The following PCED1B variants were observed in gnomAD, a reference collection of about 807,000 sequenced individuals.
The protein encoded by PCED1B is PC-esterase domain-containing protein 1B.
For missense variants in PCED1B, 573 were observed against 573.9 expected, an observed-to-expected ratio of 1.00 and a Z score of 0.02; for synonymous variants, 251 against 246.1, an observed-to-expected ratio of 1.02 and a Z score of -0.19.
In PCED1B at chr12:47,236,315, C is replaced by CCTTCA. The variant is rs746084235; in HGVS notation, c.1253_1257dup (p.Lys420LeufsTer19). On this transcript the variant is annotated frameshift_variant, in exon 4 of 4. Coordinates refer to ENST00000546455, the MANE Select transcript of PCED1B (RefSeq NM_138371.3). LOFTEE classifies it low-confidence loss of function (END_TRUNC). ...TACGCCCTGGGGACAGCGGCCTCGA[C>CCTTCA]CTTCAAAGAGAAGGGCCCCAGCCAA... 6.2e-7 allele frequency: 1 copy of CCTTCA among 1,612,422 alleles called. No individual in the cohort carries two copies. The highest frequency in any genetic ancestry group is 8.5e-7 in the Non-Finnish European group (1 of 1,179,250).
rs1943985830 is a variant in PCED1B, at chr12:47,236,297, TG to T, written c.1238del (p.Gly413AspfsTer24). 2.5e-6 allele frequency: 4 copies of T among 1,613,980 alleles called. No homozygotes were observed. The highest frequency in any genetic ancestry group is 2.5e-6 in the Non-Finnish European group (3 of 1,179,950). On this transcript the variant is annotated frameshift_variant, in exon 4 of 4. Transcript: ENST00000546455. LOFTEE classifies it low-confidence loss of function (END_TRUNC). ...RYRPRGPYTP[W>X]GQRPRPSKRR... ...TCGTCCCCGTGGCCCCTATACGCCCTGGGGACAGCGGCCTCGACCTTCAAAG... is the reference window on the plus strand; with the variant it reads ...TCGTCCCCGTGGCCCCTATACGCCCTGGGACAGCGGCCTCGACCTTCAAAG...
intron 2 of PCED1B, among the ~76,000 whole-genome samples, chr12:47,142,540 G>A (rs1940632588): frequency 6.6e-6 from 1 of 151,792 alleles, no homozygotes; most frequent in Non-Finnish European, 1.5e-5. Context: ...AAAGCTCAAT[G>A]AGATGCAAGA....
chr12:47,233,744 C>G (rs1289121908), intron 3 of PCED1B, among the ~76,000 whole-genome samples: 1 of 152,064 alleles, frequency 6.6e-6, no homozygotes, highest in Non-Finnish European at 1.5e-5. Flanking sequence ...AAGAGGAGGG[C>G]AGATAACTCT....
intron 2 of PCED1B, chr12:47,209,073 C>A (rs930551766): frequency 2.0e-5 from 3 of 152,262 alleles, no homozygotes; most frequent in African/African-American, 7.2e-5. Flanking sequence ...CTGCTCAGGA[C>A]ACAGTGAGGT....
chr12:47,081,703 T>A (rs1211190419), intron 1 of PCED1B, among the ~76,000 whole-genome samples: 2 of 152,158 alleles, frequency 1.3e-5, no homozygotes, highest in Non-Finnish European at 2.9e-5. Context: ...AGGAATAGAA[T>A]TAAAATCGCT....
intron 2 of PCED1B, among the ~76,000 whole-genome samples, chr12:47,165,739 T>A (rs921178976): frequency 1.3e-5 from 2 of 152,206 alleles, no homozygotes; most frequent in South Asian, 2.1e-4. Flanking sequence ...TTTAAGGCTG[T>A]CTTTGGAGCC....
intron 2 of PCED1B, among the ~76,000 whole-genome samples, chr12:47,153,002 T>C (rs531686908): frequency 6.6e-6 from 1 of 152,100 alleles, no homozygotes; most frequent in African/African-American, 2.4e-5. Flanking sequence ...GATTATTACA[T>C]AGAATACTAT....
At chr12:47,184,872 T>C (rs1438611933) in intron 2 of PCED1B, among the ~76,000 whole-genome samples, 1 of 152,196 alleles carries the variant, frequency 6.6e-6, no homozygotes, top group Non-Finnish European at 1.5e-5. Context: ...TGCATTGGAA[T>C]GTTTTTGGCT....
chr12:47,109,558 A>G (rs1939102277), intron 2 of PCED1B, among the ~76,000 whole-genome samples: 1 of 152,152 alleles, frequency 6.6e-6, no homozygotes, highest in Admixed American at 6.5e-5. Context: ...AGAAATTTTC[A>G]AAATTCAAAA....
intron 2 of PCED1B, among the ~76,000 whole-genome samples, chr12:47,150,420 A>G (rs1032012699): frequency 2.2e-4 from 33 of 152,068 alleles, no homozygotes; most frequent in African/African-American, 7.0e-4. Flanking sequence ...CTAAAAAAAA[A>G]TACAAAAATT....
chr12:47,224,734 GGTT>G (rs1363562255), intron 3 of PCED1B, among the ~76,000 whole-genome samples: 2 of 152,184 alleles, frequency 1.3e-5, no homozygotes, highest in African/African-American at 4.8e-5. Context: ...GGGGAATCAT[GGTT>G]GTTGTTGAGG....
At chr12:47,131,669 A>ATTTTTTTTTTTTTT (rs1940131078) in intron 2 of PCED1B, among the ~76,000 whole-genome samples, 1 of 114,174 alleles carries the variant, frequency 8.8e-6, no homozygotes, top group African/African-American at 5.7e-5. Flanking sequence ...GTCATGTTTT[A>ATTTTTTTTTTTTTT]CTTCTTTTTT....
chr12:47,158,547 T>C (rs1255168368), intron 2 of PCED1B, among the ~76,000 whole-genome samples: 1 of 152,240 alleles, frequency 6.6e-6, no homozygotes, highest in Non-Finnish European at 1.5e-5. Context: ...ATATTTCAGA[T>C]ATCAATCCCT....
chr12:47,197,716 TACTG>T (rs1461292169), intron 2 of PCED1B, among the ~76,000 whole-genome samples: 1 of 152,002 alleles, frequency 6.6e-6, no homozygotes, highest in Non-Finnish European at 1.5e-5. Context: ...GGGCCATTGT[TACTG>T]ACTCCATGGA....
intron 2 of PCED1B, among the ~76,000 whole-genome samples, chr12:47,148,501 T>C (rs1319035030): frequency 6.6e-6 from 1 of 152,160 alleles, no homozygotes; most frequent in Non-Finnish European, 1.5e-5. Flanking sequence ...ATAGCAAATT[T>C]ACAGGCAGAG....
At chr12:47,181,329 A>G (rs1200708693) in intron 2 of PCED1B, among the ~76,000 whole-genome samples, 1 of 151,556 alleles carries the variant, frequency 6.6e-6, no homozygotes, top group Non-Finnish European at 1.5e-5. Flanking sequence ...TTATTTTCTA[A>G]TATATATTAG....
At chr12:47,174,416 A>AC (rs1555145771) in intron 2 of PCED1B, among the ~76,000 whole-genome samples, 4 of 151,048 alleles carry the variant, frequency 2.6e-5, no homozygotes, top group Admixed American at 6.6e-5. Context: ...CCAAAAAAAA[A>AC]AAACAAACAA....
chr12:47,086,024 G>C (rs921525994), intron 1 of PCED1B, among the ~76,000 whole-genome samples: 1 of 152,172 alleles, frequency 6.6e-6, no homozygotes. Context: ...CCCACTGTGT[G>C]CTAGGCGCTA....
At chr12:47,085,691 A>C (rs1173782455) in intron 1 of PCED1B, among the ~76,000 whole-genome samples, 1 of 152,226 alleles carries the variant, frequency 6.6e-6, no homozygotes, top group Non-Finnish European at 1.5e-5. Flanking sequence ...ATAGATAATC[A>C]AATGAAAAAT....
Sources: gnomAD v4.1 joint callset for allele counts (sites outside exome capture counted in the v4.1 genomes callset) on GRCh38, gnomAD v4.1.1 for gene constraint, MANE v1.5 for transcripts, NCBI Gene and HGNC (gene_info 2026-07-23, HGNC 2026-07-21) for gene names.